ANKRD31: variants seen among roughly 807,000 people sequenced by gnomAD.
The protein encoded by ANKRD31 is ankyrin repeat domain 31.
A neutral mutation model predicts 186.0 loss-of-function variants in ANKRD31; 147 were observed. The ratio of observed to expected loss-of-function variants is 0.79; its 90% CI spans 0.69 to 0.91. The LOEUF is 0.91. Ranked by LOEUF, ANKRD31 falls within the 40% of genes least tolerant of loss-of-function variation. The pLI is 0.00. For missense variants in ANKRD31, 1,986 were observed against 2,148.8 expected (o/e 0.92, Z 1.50); for synonymous variants, 673 against 736.4 (o/e 0.91, Z 1.39).
intron 1 of ANKRD31, among the ~76,000 whole-genome samples, chr5:75,234,033 C>T (rs190602407): frequency 3.4e-4 from 51 of 150,502 alleles, no homozygotes; most frequent in African/African-American, 7.7e-4. Flanking sequence ...TAAAAACAAA[C>T]TAAATGTTTT....
chr5:75,115,977 T>C (rs370393693), intron 19 of ANKRD31, among the ~76,000 whole-genome samples: 7 of 151,896 alleles, frequency 4.6e-5, no homozygotes, highest in Non-Finnish European at 7.4e-5. Context: ...TGTTGCGGCA[T>C]TATTCACAAT....
At chr5:75,127,828 A>AGTGTAAAG (rs1749371583) in intron 17 of ANKRD31, among the ~76,000 whole-genome samples, 2 of 152,336 alleles carry the variant, frequency 1.3e-5, no homozygotes, top group East Asian at 3.9e-4. Context: ...TGAGGTATTC[A>AGTGTAAAG]GTGTAAAGGT....
At chr5:75,087,979 C>CA (rs1211538015) in intron 23 of ANKRD31, among the ~76,000 whole-genome samples, 2 of 152,094 alleles carry the variant, frequency 1.3e-5, no homozygotes, top group Non-Finnish European at 2.9e-5. Flanking sequence ...TTTCAGGATC[C>CA]AAAACTCCTG....
At chr5:75,168,958 C>A in intron 11 of ANKRD31, 21 bp downstream of exon 11, 3 of 1,510,848 alleles carry the variant, frequency 2.0e-6, no homozygotes, top group Non-Finnish European at 2.7e-6. Flanking sequence ...ATTTGTTCTG[C>A]AAATAAAAGC....
At chr5:75,075,971 C>CA (rs1744605817) in intron 25 of ANKRD31, among the ~76,000 whole-genome samples, 1 of 152,138 alleles carries the variant, frequency 6.6e-6, no homozygotes, top group Non-Finnish European at 1.5e-5. Flanking sequence ...TTTTTGAACT[C>CA]AGTCTTCCCG....
Position 75,236,702 on chromosome 5 carries a change from A to C in ANKRD31, c.-16T>G, listed in dbSNP as rs1278515525. On this transcript the variant is annotated 5_prime_UTR_variant, in exon 1 of 26. Coordinates refer to ENST00000506364, the MANE Select transcript of ANKRD31 (RefSeq NM_001372053.1). ...CTTCCTCCATCTTTGCCTCACATTC[A>C]AAGTCTTTTTTACCCTCCTCTAACT... 6.5e-7 allele frequency: 1 copy of C among 1,533,990 alleles called. No individual in the cohort carries two copies. Among genetic ancestry groups the C allele is most frequent in the Non-Finnish European group, 8.7e-7 (1 of 1,144,910 alleles).
At chr5:75,192,539 C>T (rs1306949980) in intron 9 of ANKRD31, 128 bp downstream of exon 9, 3 of 730,718 alleles carry the variant, frequency 4.1e-6, no homozygotes, top group African/African-American at 1.8e-5. Flanking sequence ...TGGGAAAAAC[C>T]CTTAACCTAT....
At position 75,177,816 on chromosome 5, in the gene ANKRD31, C is replaced by T. The variant is rs561918296; in HGVS notation, c.1565-8695G>A. ...AAAGACCGTCGATGCTAGGAAGAAA[C>T]TGCATCAACTAACGAGCAAAATAAC... On this transcript the variant is annotated intron_variant, in intron 10 of 25. Coordinates refer to ENST00000506364, the MANE Select transcript of ANKRD31 (RefSeq NM_001372053.1). 3.3e-5 allele frequency among the ~76,000 whole-genome samples: 5 copies of T among 152,284 alleles called. No homozygotes were observed. In the East Asian group the frequency reaches 7.7e-4, roughly 23 times the overall value.
intron 11 of ANKRD31, among the ~76,000 whole-genome samples, chr5:75,167,920 C>T (rs951960835): frequency 5.3e-5 from 8 of 152,044 alleles, no homozygotes; most frequent in Non-Finnish European, 7.4e-5. Context: ...AGTGCTTTGG[C>T]GTGAGGTTTC....
chr5:75,165,745 C>T (rs555924728), intron 11 of ANKRD31, among the ~76,000 whole-genome samples: 1 of 152,102 alleles, frequency 6.6e-6, no homozygotes, highest in South Asian at 2.1e-4. Context: ...TTGGGAAATT[C>T]TATAGGACAA....
chr5:75,214,809 G>A (rs1756865505), intron 3 of ANKRD31, among the ~76,000 whole-genome samples: 1 of 152,146 alleles, frequency 6.6e-6, no homozygotes, highest in African/African-American at 2.4e-5. Context: ...GGTAATAATT[G>A]TACAATTCAA....
At chr5:75,206,942 G>A (rs185657958) in intron 4 of ANKRD31, among the ~76,000 whole-genome samples, 15 of 152,228 alleles carry the variant, frequency 9.9e-5, no homozygotes, top group Admixed American at 7.9e-4. Flanking sequence ...TTCACAGCAG[G>A]CAAAGAAAAG....
chr5:75,232,600 G>A (rs930568712), intron 1 of ANKRD31, among the ~76,000 whole-genome samples: 2 of 151,698 alleles, frequency 1.3e-5, no homozygotes, highest in Non-Finnish European at 2.9e-5. Flanking sequence ...ACACAAAAGG[G>A]GTATGGAAGA....
chr5:75,086,407 T>C (rs981714000), intron 23 of ANKRD31, among the ~76,000 whole-genome samples: 1 of 152,162 alleles, frequency 6.6e-6, no homozygotes, highest in African/African-American at 2.4e-5. Flanking sequence ...AAACCTCCAG[T>C]TGGCTAAAGC....
chr5:75,139,128 TAATA>T (rs1011772345), intron 15 of ANKRD31, 145 bp from the exon 16 acceptor site: 1 of 977,530 alleles, frequency 1.0e-6, no homozygotes, highest in African/African-American at 1.7e-5. Context: ...GTTATTGTTT[TAATA>T]TATAATTTCT....
Position 75,080,558 on chromosome 5 carries a change from T to C in ANKRD31, c.5647+10A>G. The C allele has an allele frequency of 7.3e-6, 11 of 1,514,572 alleles. No individual in the cohort carries two copies. Among genetic ancestry groups the C allele is most frequent in the Non-Finnish European group, 8.8e-6 (10 of 1,130,582 alleles). 93.8% of individuals were successfully genotyped at this position (1,514,572 alleles called of 1,614,324 possible). A position where few individuals can be genotyped will look rare whatever the true frequency, so the allele number is the denominator to read the frequency against. Reference sequence around the variant, plus strand: ...AGTAAATGGAATTGAATATTTTCTTTTTTTTTTACCTTGTCCAAATTTTGT... The same window carrying C: ...AGTAAATGGAATTGAATATTTTCTTCTTTTTTTACCTTGTCCAAATTTTGT... On this transcript the variant is annotated intron_variant, in intron 25 of 25. Coordinates refer to ENST00000506364, the MANE Select transcript of ANKRD31 (RefSeq NM_001372053.1).
chr5:75,194,003 A>G (rs188715695), intron 7 of ANKRD31, among the ~76,000 whole-genome samples: 5 of 152,290 alleles, frequency 3.3e-5, no homozygotes, highest in Admixed American at 3.3e-4. Flanking sequence ...AGCAAGTGAT[A>G]TTTTGTGGAA....
intron 17 of ANKRD31, among the ~76,000 whole-genome samples, chr5:75,124,001 G>A (rs1561446174): frequency 6.6e-6 from 1 of 152,078 alleles, no homozygotes; most frequent in Non-Finnish European, 1.5e-5. Context: ...ACAACCTGCA[G>A]ATAGGGGGAA....
intron 19 of ANKRD31, among the ~76,000 whole-genome samples, chr5:75,114,944 C>T (rs1386375375): frequency 2.6e-5 from 4 of 152,098 alleles, no homozygotes; most frequent in East Asian, 1.9e-4. Flanking sequence ...GAGCCCGCAT[C>T]GCCAAGTCAA....
Sources: gnomAD v4.1 joint callset for allele counts (sites outside exome capture counted in the v4.1 genomes callset) on GRCh38, gnomAD v4.1.1 for gene constraint, MANE v1.5 for transcripts, NCBI Gene and HGNC (gene_info 2026-07-23, HGNC 2026-07-21) for gene names.